MPHOSPH10: variants seen among roughly 807,000 people sequenced by gnomAD.
MPHOSPH10 encodes the protein M-phase phosphoprotein 10, also known as U3 small nucleolar ribonucleoprotein MPP10.
MPHOSPH10 carries 33 observed loss-of-function variants against 77.3 expected under a neutral mutation model. The ratio of observed to expected loss-of-function variants is 0.43; its 90% CI spans 0.32 to 0.57. MPHOSPH10 has a LOEUF of 0.57. Among genes scored for constraint, MPHOSPH10 ranks in the 20% least tolerant of loss-of-function variants. The pLI is 0.07. For missense variants in MPHOSPH10, 708 were observed against 780.1 expected, an observed-to-expected ratio of 0.91 and a Z score of 1.10; for synonymous variants, 245 against 268.0, an observed-to-expected ratio of 0.91 and a Z score of 0.84.
chr2:71,142,469 G>C (rs1673631248), intron 7 of MPHOSPH10, among the ~76,000 whole-genome samples: 1 of 152,182 alleles, frequency 6.6e-6, no homozygotes, highest in Admixed American at 6.6e-5. Flanking sequence ...CTAAATGTTA[G>C]TTTCATTTCT....
intron 4 of MPHOSPH10, among the ~76,000 whole-genome samples, chr2:71,137,179 T>C (rs905887200): frequency 5.9e-5 from 9 of 152,222 alleles, no homozygotes; most frequent in African/African-American, 2.2e-4. Flanking sequence ...ATTTTTTTTT[T>C]CACTCCTAGC....
At chr2:71,140,036 T>C (rs72905526) in intron 6 of MPHOSPH10, among the ~76,000 whole-genome samples, 174 bp downstream of exon 6, 6,166 of 152,212 alleles carry the variant, frequency 0.041, 372 homozygotes, top group African/African-American at 0.13. Context: ...TTCAGTAGTA[T>C]CCAGGAAAGA....
rs918643320 is a variant in MPHOSPH10 at position 71,139,955 on chromosome 2, A to T, written c.1308+93A>T. 7 of 899,562 alleles carry T rather than the reference A, an allele frequency of 7.8e-6. No individual in the cohort carries two copies. The Admixed American group carries it at 8.3e-5, about 11-fold the overall frequency. The allele number at this position is 899,562 out of a possible 1,614,324, so 55.7% of individuals were successfully genotyped here. The stretch of plus-strand genomic sequence containing the variant: ...TTTGAGAGTAGGACTATTGCTTTTT[A>T]TTTTCACTTAGTGTTCACAAACCTT... On this transcript the variant is annotated intron_variant, in intron 6 of 10. Transcript: ENST00000244230.
chr2:71,142,494 C>A (rs13407937), intron 7 of MPHOSPH10, among the ~76,000 whole-genome samples: 2,730 of 152,290 alleles, frequency 0.018, 88 homozygotes, highest in African/African-American at 0.062. Flanking sequence ...TAGAAGTCAA[C>A]AGCCAGTTCA....
At chr2:71,149,138 C>CT in intron 9 of MPHOSPH10, 85 bp from the exon 10 acceptor site, 1 of 1,255,878 alleles carries the variant, frequency 8.0e-7, no homozygotes, top group Non-Finnish European at 1.1e-6. Context: ...AGCCTGCTTG[C>CT]TGGCTACCCT....
At chr2:71,148,213 A>G in intron 9 of MPHOSPH10, 107 bp downstream of exon 9, 1 of 906,702 alleles carries the variant, frequency 1.1e-6, no homozygotes, top group Non-Finnish European at 1.8e-6. Flanking sequence ...TTCTTATTCC[A>G]ATGTATCTCA....
At chr2:71,148,415 A>G in intron 9 of MPHOSPH10, 1 of 243,660 alleles carries the variant, frequency 4.1e-6, no homozygotes, top group Non-Finnish European at 8.1e-6. Context: ...AATGGCTTGC[A>G]TTGCATATAT....
Position 71,130,962 on chromosome 2 carries a change from C to A in MPHOSPH10, c.89+208C>A, listed in dbSNP as rs1321941466. ...AGATGGATCTCTCAGTTGAGTGTTA[C>A]TGAAATCACTCTAACCTCAATTGTT... On this transcript the variant is annotated intron_variant, in intron 1 of 10. Transcript: ENST00000244230. 3.4e-5 allele frequency: 19 copies of A among 563,856 alleles called. No individual in the cohort carries two copies. The Admixed American group carries it at 5.7e-4, about 17-fold the overall frequency. The allele number at this position is 563,856 out of a possible 1,614,324, so 34.9% of individuals were successfully genotyped here.
rs746565193 is a variant in MPHOSPH10 at position 71,130,738 on chromosome 2, C to A, written c.73C>A (p.Pro25Thr). Residue 25 changes from proline (P) to threonine (T), a missense_variant, in exon 1 of 11, where the codon CCC becomes ACC. By Grantham distance (38) the Pro-to-Thr change is conservative. Coordinates refer to ENST00000244230, the MANE Select transcript of MPHOSPH10 (RefSeq NM_005791.3). The stretch of plus-strand genomic sequence containing the variant: ...GGAAGTCGGCAAAGCCACGGGTCGG[C>A]CCGAGTGCTTCCTCACGTAAGTGCG... ...LTEVGKATGRPECFLTIQEGL... is the reference protein window; with the variant it reads ...LTEVGKATGRTECFLTIQEGL... The A allele has an allele frequency of 6.2e-7, 1 of 1,609,310 alleles. No homozygotes were observed. Among genetic ancestry groups the A allele is most frequent in the East Asian group, 2.2e-5 (1 of 44,790 alleles).
chr2:71,132,493 T>G (rs1383619575), intron 1 of MPHOSPH10, among the ~76,000 whole-genome samples: 1 of 152,186 alleles, frequency 6.6e-6, no homozygotes, highest in African/African-American at 2.4e-5. Flanking sequence ...ACTATCTCCT[T>G]ATCTGTAGGT....
chr2:71,145,845 G>C (rs1235772402), intron 8 of MPHOSPH10, among the ~76,000 whole-genome samples: 1 of 152,120 alleles, frequency 6.6e-6, no homozygotes. Context: ...CCCTGGCCCA[G>C]TAGGCTGCAC....
rs773039341 is a variant in MPHOSPH10 at position 71,133,320 on chromosome 2, C to G, written c.512C>G (p.Ser171Cys). 1 of 1,614,122 alleles carries G rather than the reference C, an allele frequency of 6.2e-7. No homozygotes were observed. Among genetic ancestry groups the G allele is most frequent in the Non-Finnish European group, 8.5e-7 (1 of 1,180,020 alleles). The change falls in exon 2 of 11, where the codon TCT becomes TGT. Residue 171 changes from serine to cysteine, a missense_variant. Physicochemically the swap from Ser to Cys is moderately radical, Grantham distance 112 (BLOSUM62 -1). Around this residue, in one of 3 missense-constraint regions of MPHOSPH10, gnomAD observed 433 missense variants for 432.6 expected, o/e 1.00. Coordinates refer to ENST00000244230, the MANE Select transcript of MPHOSPH10 (RefSeq NM_005791.3). ...RKSPVFSDED[S>C]DLDFDISKLE... ...AGCCCCGTTTTCAGTGATGAGGATT[C>G]TGACCTTGACTTTGATATCAGCAAA...
Position 71,132,932 on chromosome 2 carries a change from T to G in MPHOSPH10, c.124T>G (p.Leu42Val). ...GGGATTGGCATCAAAGTTCACTTCT[T>G]TAACAAAAGTGCTTTATGACTTTAA... ...QEGLASKFTS[L>V]TKVLYDFNKI... Residue 42 changes from leucine (L) to valine (V), a missense_variant, in exon 2 of 11, where the codon TTA (leucine) becomes GTA (valine). Around this residue, in one of 3 missense-constraint regions of MPHOSPH10, gnomAD observed 433 missense variants for 432.6 expected, o/e 1.00. Transcript: ENST00000244230. 1 of 1,611,502 alleles carries G rather than the reference T, an allele frequency of 6.2e-7. No homozygotes were observed. Among genetic ancestry groups the G allele is most frequent in the South Asian group, 1.1e-5 (1 of 90,776 alleles).
At chr2:71,135,552 TA>T (rs1558753320) in intron 4 of MPHOSPH10, among the ~76,000 whole-genome samples, 1 of 151,712 alleles carries the variant, frequency 6.6e-6, no homozygotes, top group African/African-American at 2.4e-5. Flanking sequence ...GTCTCAAAAA[TA>T]AAAAAATTTT....
intron 6 of MPHOSPH10, among the ~76,000 whole-genome samples, chr2:71,140,785 T>C (rs1040009863): frequency 6.6e-5 from 10 of 152,132 alleles, no homozygotes; most frequent in Admixed American, 3.9e-4. Flanking sequence ...GGGTCTAAAA[T>C]AGAAAGGGTT....
chr2:71,135,999 C>T (rs1673482738), intron 4 of MPHOSPH10, among the ~76,000 whole-genome samples: 1 of 152,142 alleles, frequency 6.6e-6, no homozygotes, highest in Non-Finnish European at 1.5e-5. Context: ...GCCACTGCGC[C>T]CAGCGGATAC....
intron 4 of MPHOSPH10, among the ~76,000 whole-genome samples, chr2:71,135,405 G>A (rs1218086609): frequency 6.7e-6 from 1 of 150,368 alleles, no homozygotes; most frequent in Non-Finnish European, 1.5e-5. Context: ...AAAGTAGCCA[G>A]GTGTGGTGGC....
In MPHOSPH10 at chr2:71,148,804, T is replaced by G. The variant is rs569220752; in HGVS notation, c.1666-419T>G. ...TCACTAGAGAGATGTTTCCCTTCCC[T>G]TCCTCTGTTCCTTGGTCTCTGCCCT... On this transcript the variant is annotated intron_variant, in intron 9 of 10. Coordinates refer to ENST00000244230, the MANE Select transcript of MPHOSPH10 (RefSeq NM_005791.3). 24 of 191,644 alleles carry G rather than the reference T, an allele frequency of 1.3e-4. No individual in the cohort carries two copies. The East Asian group carries it at 3.3e-3, about 26-fold the overall frequency. 11.9% of individuals were successfully genotyped at this position (191,644 alleles called of 1,614,324 possible). A position where few individuals can be genotyped will look rare whatever the true frequency, so the allele number is the denominator to read the frequency against.
At chr2:71,139,223 C>T (rs1673561553) in intron 5 of MPHOSPH10, 1 of 161,752 alleles carries the variant, frequency 6.2e-6, no homozygotes, top group South Asian at 1.7e-4. Flanking sequence ...TGGCACTTCA[C>T]TTTTAAGTAC....
Sources: gnomAD v4.1 joint callset for allele counts (sites outside exome capture counted in the v4.1 genomes callset) on GRCh38, gnomAD v4.1.1 for gene constraint, gnomAD v4.1.1 regional missense constraint, MANE v1.5 for transcripts, NCBI Gene and HGNC (gene_info 2026-07-23, HGNC 2026-07-21) for gene names.